The following B3GAT1 variants were observed in gnomAD, a reference collection of about 807,000 sequenced individuals.
The protein encoded by B3GAT1 is galactosylgalactosylxylosylprotein 3-beta-glucuronosyltransferase 1.
B3GAT1 carries 11 observed loss-of-function variants against 28.4 expected under a neutral mutation model. The ratio of observed to expected loss-of-function variants is 0.39; its 90% CI spans 0.24 to 0.64. B3GAT1 has a LOEUF of 0.64. Ranked by LOEUF, B3GAT1 falls within the 30% of genes least tolerant of loss-of-function variation. The pLI, the probability that B3GAT1 is intolerant of heterozygous loss-of-function variation, is 0.50. For synonymous variants in B3GAT1, 255 were observed against 223.1 expected, an observed-to-expected ratio of 1.14 and a Z score of -1.27; for missense variants, 375 against 491.0, an observed-to-expected ratio of 0.76 and a Z score of 2.23.
At chr11:134,408,190 ATT>A (rs1312515208) in intron 1 of B3GAT1, among the ~76,000 whole-genome samples, 7 of 151,144 alleles carry the variant, frequency 4.6e-5, no homozygotes, top group Non-Finnish European at 7.4e-5. Context: ...GCCTGCACCG[ATT>A]CCAGTGGGGT....
chr11:134,399,653 G>A (rs1265323345), intron 1 of B3GAT1, among the ~76,000 whole-genome samples: 1 of 152,180 alleles, frequency 6.6e-6, no homozygotes, highest in Non-Finnish European at 1.5e-5. Flanking sequence ...CTGGACCCTG[G>A]AAGCTAGGAG....
In B3GAT1 at chr11:134,383,889, C is replaced by T. The variant is rs1324072461; in HGVS notation, c.412G>A (p.Gly138Ser). The change falls in exon 3 of 6, where the codon GGC (glycine) becomes AGC (serine). Residue 138 changes from glycine to serine, a missense_variant. Physicochemically the swap from Gly to Ser is moderately conservative, Grantham distance 56. Transcript: ENST00000312527. ...ACGTGCAGGTGCGTGTAGTTGAGGCCGGTGTCGCGCAGCAGGCGCGCGGTC... is the reference window on the plus strand; with the variant it reads ...ACGTGCAGGTGCGTGTAGTTGAGGCTGGTGTCGCGCAGCAGGCGCGCGGTC... ...PLTARLLRDT[G>S]LNYTHLHVET... 1.3e-6 allele frequency: 2 copies of T among 1,595,494 alleles called. No individual in the cohort carries two copies. The highest frequency in any genetic ancestry group is 1.7e-5 in the Admixed American group (1 of 59,266).
At chr11:134,395,630 G>C (rs996482710) in intron 1 of B3GAT1, among the ~76,000 whole-genome samples, 1 of 152,000 alleles carries the variant, frequency 6.6e-6, no homozygotes, top group African/African-American at 2.4e-5. Flanking sequence ...GGAGAAGTCT[G>C]GTATTGAAAG....
intron 2 of B3GAT1, chr11:134,387,225 T>A: frequency 1.1e-5 from 3 of 272,536 alleles, no homozygotes; most frequent in Non-Finnish European, 2.1e-5. Flanking sequence ...TCCCCCTCCC[T>A]TCACTTCCCA....
chr11:134,389,382 A>AGG (rs1944362349), intron 1 of B3GAT1: 1 of 152,520 alleles, frequency 6.6e-6, no homozygotes, highest in Admixed American at 6.5e-5. Context: ...TGCCACATTG[A>AGG]GGGGAGACAG....
intron 1 of B3GAT1, among the ~76,000 whole-genome samples, chr11:134,407,831 C>T (rs1367909764): frequency 1.3e-5 from 2 of 152,026 alleles, no homozygotes; most frequent in Non-Finnish European, 2.9e-5. Context: ...ACGTTCCCAG[C>T]ACCTGGTGCA....
rs532593588 is a variant in B3GAT1 at position 134,402,318 on chromosome 11, C to T, written c.-282+9489G>A. Among the ~76,000 whole-genome samples, 6 of 152,278 alleles carry T rather than the reference C, an allele frequency of 3.9e-5. No homozygotes were observed. In the South Asian group the frequency reaches 1.2e-3, roughly 32 times the overall value. ...GTCTCTGCCCAGCTTCCCAGAAAGG[C>T]ACTCAGGAAGGACCGGTGATTTCAG... On this transcript the variant is annotated intron_variant, in intron 1 of 5. Coordinates refer to ENST00000312527, the MANE Select transcript of B3GAT1 (RefSeq NM_054025.3).
chr11:134,383,488 C>T (rs1224309578), intron 3 of B3GAT1, among the ~76,000 whole-genome samples, 192 bp downstream of exon 3: 4 of 152,206 alleles, frequency 2.6e-5, no homozygotes, highest in Non-Finnish European at 5.9e-5. Flanking sequence ...ACCTGTCTTC[C>T]CCCTAACTTG....
At chr11:134,394,033 C>G (rs1944458828) in intron 1 of B3GAT1, among the ~76,000 whole-genome samples, 2 of 152,196 alleles carry the variant, frequency 1.3e-5, no homozygotes, top group Admixed American at 1.3e-4. Context: ...TAACCTAACC[C>G]CGGCCCTCCT....
At chr11:134,401,742 T>C (rs1410299248) in intron 1 of B3GAT1, among the ~76,000 whole-genome samples, 1 of 151,976 alleles carries the variant, frequency 6.6e-6, no homozygotes, top group Non-Finnish European at 1.5e-5. Context: ...GCTGAATTTA[T>C]AAAAAATTTA....
intron 2 of B3GAT1, 124 bp from the exon 3 acceptor site, chr11:134,384,312 C>T: frequency 1.5e-6 from 2 of 1,292,310 alleles, no homozygotes; most frequent in Non-Finnish European, 1.0e-6. Flanking sequence ...GCTGCTCAGA[C>T]CCCCGCCTTG....
chr11:134,398,121 G>C (rs531526045), intron 1 of B3GAT1, among the ~76,000 whole-genome samples: 1 of 152,338 alleles, frequency 6.6e-6, no homozygotes, highest in East Asian at 1.9e-4. Flanking sequence ...CTGCCCGCCT[G>C]AGTGACTTCA....
chr11:134,404,506 A>T (rs1159597629), intron 1 of B3GAT1, among the ~76,000 whole-genome samples: 1 of 152,226 alleles, frequency 6.6e-6, no homozygotes, highest in Non-Finnish European at 1.5e-5. Context: ...CCGTTTAGAC[A>T]CAGTCAAGGA....
At position 134,381,708 on chromosome 11, in the gene B3GAT1, G is replaced by A; in HGVS notation, c.*14+216C>T. Reference sequence around the variant, plus strand: ...GGTGACACCCTCTGAAGAGTCTGGTGGCAGAAGGACCCAGCTGCGTGGGTG... The same window carrying A: ...GGTGACACCCTCTGAAGAGTCTGGTAGCAGAAGGACCCAGCTGCGTGGGTG... On this transcript the variant is annotated intron_variant, in intron 5 of 5. Coordinates refer to ENST00000312527, the MANE Select transcript of B3GAT1 (RefSeq NM_054025.3). 3 of 551,852 alleles carry A rather than the reference G, an allele frequency of 5.4e-6. No homozygotes were observed. In the South Asian group the frequency reaches 6.8e-5, roughly 12 times the overall value. The allele number at this position is 551,852 out of a possible 1,614,324, so 34.2% of individuals were successfully genotyped here. A position where few individuals can be genotyped will look rare whatever the true frequency, so the allele number is the denominator to read the frequency against.
intron 1 of B3GAT1, among the ~76,000 whole-genome samples, chr11:134,409,459 G>T (rs910993991): frequency 1.3e-5 from 2 of 152,206 alleles, no homozygotes; most frequent in African/African-American, 2.4e-5. Context: ...TCAGCATTGT[G>T]AGATGCTCAG....
chr11:134,386,019 G>A (rs987777493), intron 2 of B3GAT1: 2 of 152,218 alleles, frequency 1.3e-5, no homozygotes, highest in African/African-American at 2.4e-5. Flanking sequence ...TAACCCCTCT[G>A]GAGTGATGTA....
intron 1 of B3GAT1, 109 bp from the exon 2 acceptor site, chr11:134,388,049 G>A (rs1042675765): frequency 7.1e-6 from 3 of 421,784 alleles, no homozygotes; most frequent in African/African-American, 6.1e-5. Flanking sequence ...CCACAATGGA[G>A]CCTCAACTGT....
rs192354090 is a variant in B3GAT1, at chr11:134,393,107, A to C, written c.-281-5167T>G. On this transcript the variant is annotated intron_variant, in intron 1 of 5. Transcript: ENST00000312527. This position sits in a 1 kb window ranked among gnomAD's most constrained non-coding sequence, Gnocchi z 4.0. ...TGCATGCGTGTGCGTGGTAGGTTAC[A>C]AACAAGCTCAGACACTGTCCGAGGT... is the stretch of plus-strand genomic sequence containing the variant. Among the ~76,000 whole-genome samples the C allele has an allele frequency of 8.0e-4, 122 of 152,292 alleles. No homozygotes were observed. The highest frequency in any genetic ancestry group is 3.7e-3 in the South Asian group (18 of 4,814).
intron 2 of B3GAT1, chr11:134,386,984 C>G (rs1944303458): frequency 6.3e-6 from 1 of 158,416 alleles, no homozygotes; most frequent in Non-Finnish European, 1.4e-5. Flanking sequence ...CCACTACCAC[C>G]TTTATGGAGC....
Sources: allele counts gnomAD v4.1 joint callset (sites outside exome capture counted in the v4.1 genomes callset), GRCh38; gene constraint gnomAD v4.1.1; non-coding constraint Gnocchi (gnomAD v3.1); transcripts MANE v1.5; gene names NCBI Gene and HGNC (gene_info 2026-07-23, HGNC 2026-07-21).